The following TFEC variants were observed in gnomAD, a reference collection of about 807,000 sequenced individuals.
The protein encoded by TFEC is class E basic helix-loop-helix protein 34.
Under a neutral mutation model 41.6 loss-of-function variants are expected in TFEC, and 31 were observed. The observed-to-expected ratio is 0.74, with a 90% CI of 0.56 to 1.01. TFEC has a LOEUF of 1.01. Ranked by LOEUF, TFEC falls within the 50% of genes least tolerant of loss-of-function variation. TFEC has a pLI of 0.00. For missense variants in TFEC, 402 were observed against 404.1 expected (o/e 0.99, Z 0.04); for synonymous variants, 143 against 140.6 (o/e 1.02, Z -0.12).
At chr7:115,960,052 G>A (rs558125566) in intron 3 of TFEC, among the ~76,000 whole-genome samples, 1 of 150,942 alleles carries the variant, frequency 6.6e-6, no homozygotes, top group South Asian at 2.1e-4. Context: ...AGTGTTTATA[G>A]AATGCCTAAT....
At chr7:115,997,308 A>G (rs146400449) in intron 1 of TFEC, among the ~76,000 whole-genome samples, 1,827 of 152,248 alleles carry the variant, frequency 0.012, 32 homozygotes, top group African/African-American at 0.041. Flanking sequence ...AACACAGAGA[A>G]TTCTTCTGGA....
intron 1 of TFEC, among the ~76,000 whole-genome samples, chr7:115,994,104 G>A (rs1473010958): frequency 6.6e-6 from 1 of 152,120 alleles, no homozygotes; most frequent in Non-Finnish European, 1.5e-5. Flanking sequence ...CAGAAATGGG[G>A]GAAGGATTCC....
At chr7:116,141,548 T>C (rs1478189202) in intron 1 of TFEC, among the ~76,000 whole-genome samples, 3 of 152,182 alleles carry the variant, frequency 2.0e-5, no homozygotes, top group African/African-American at 7.2e-5. Flanking sequence ...TGATCATGTG[T>C]GCTTTGTTTT....
At chr7:116,132,553 T>C (rs1177171641) in intron 1 of TFEC, among the ~76,000 whole-genome samples, 2 of 152,238 alleles carry the variant, frequency 1.3e-5, no homozygotes, top group African/African-American at 2.4e-5. Flanking sequence ...TTTCTTTAAC[T>C]GTGAGTGCAT....
At chr7:115,993,780 C>G (rs971069779) in intron 1 of TFEC, among the ~76,000 whole-genome samples, 2 of 152,122 alleles carry the variant, frequency 1.3e-5, no homozygotes, top group East Asian at 3.9e-4. Flanking sequence ...GCCATACTGC[C>G]CAAGGTAATT....
rs1205292180 is a variant in TFEC at position 115,939,819 on chromosome 7, C to T, written c.*732G>A. 3 of 151,972 alleles carry T rather than the reference C, an allele frequency of 2.0e-5. No homozygotes were observed. Among genetic ancestry groups the T allele is most frequent in the Non-Finnish European group, 2.9e-5 (2 of 67,960 alleles). The allele number at this position is 151,972 out of a possible 1,614,324, so 9.4% of individuals were successfully genotyped here. ...AGGGATACAATTCTGGTCCATATTC[C>T]TGAGGAAAATATTCAATATGTTCCT... On this transcript the variant is annotated 3_prime_UTR_variant, in exon 8 of 8. Transcript: ENST00000265440.
chr7:115,968,230 T>C (rs1792962872), intron 3 of TFEC: 5 of 1,530,992 alleles, frequency 3.3e-6, no homozygotes, highest in African/African-American at 1.4e-5. Flanking sequence ...TAGCAATGGT[T>C]TTCTCTTTCT....
chr7:116,154,417 CAT>C (rs1359898902), intron 1 of TFEC, among the ~76,000 whole-genome samples: 2 of 152,058 alleles, frequency 1.3e-5, no homozygotes, highest in South Asian at 2.1e-4. Flanking sequence ...ACGTAACTAA[CAT>C]GTACTCCTTC....
chr7:116,034,279 T>C (rs1036556233), upstream of TFEC, among the ~76,000 whole-genome samples: 1 of 152,100 alleles, frequency 6.6e-6, no homozygotes, highest in African/African-American at 2.4e-5. Context: ...CTTTATATCA[T>C]CTATATGCTA....
chr7:116,113,785 C>T (rs1179424830), intron 1 of TFEC, among the ~76,000 whole-genome samples: 6 of 151,974 alleles, frequency 3.9e-5, no homozygotes, highest in Non-Finnish European at 8.8e-5. Flanking sequence ...TCAACATAAA[C>T]TTAATCTTTC....
upstream of TFEC, among the ~76,000 whole-genome samples, chr7:116,033,029 C>T (rs1795825153): frequency 1.3e-5 from 2 of 151,756 alleles, no homozygotes; most frequent in Non-Finnish European, 2.9e-5. Context: ...TAAATCTTAC[C>T]TTCTGTCTTT....
intron 3 of TFEC, among the ~76,000 whole-genome samples, chr7:116,085,741 C>T (rs1797189930): frequency 6.6e-6 from 1 of 151,906 alleles, no homozygotes; most frequent in African/African-American, 2.4e-5. Flanking sequence ...AGCAATCAGT[C>T]AGCTAAAGTT....
In TFEC at chr7:115,983,236, G is replaced by A. The variant is rs73458798; in HGVS notation, c.180+1026C>T. On this transcript the variant is annotated intron_variant, in intron 2 of 7. Coordinates refer to ENST00000265440, the MANE Select transcript of TFEC (RefSeq NM_012252.4). ...AATATACATGTAGGTATTTACATTC[G>A]GTTTTAGATTTCAAAAAGTCCCTTT... Among the ~76,000 whole-genome samples, 847 of 151,836 alleles carry A rather than the reference G, an allele frequency of 5.6e-3. 9 individuals are homozygous for A. Among genetic ancestry groups the A allele is most frequent in the African/African-American group, 0.02 (816 of 41,420 alleles).
Position 115,971,637 on chromosome 7 carries a change from C to G in TFEC, c.267+2533G>C, listed in dbSNP as rs147944839. ...TGCTCAACTTGCCAGAATTGCAGCACAAGCCCATTCTTAAAACAATCTCTG... is the reference window on the plus strand; with the variant it reads ...TGCTCAACTTGCCAGAATTGCAGCAGAAGCCCATTCTTAAAACAATCTCTG... On this transcript the variant is annotated intron_variant, in intron 3 of 7. Coordinates refer to ENST00000265440, the MANE Select transcript of TFEC (RefSeq NM_012252.4). Among the ~76,000 whole-genome samples the G allele has an allele frequency of 7.9e-5, 12 of 152,058 alleles. No homozygotes were observed. In the East Asian group the frequency reaches 2.3e-3, roughly 30 times the overall value.
At chr7:115,966,456 C>T (rs1021549895) in intron 3 of TFEC, among the ~76,000 whole-genome samples, 1 of 151,582 alleles carries the variant, frequency 6.6e-6, no homozygotes, top group Non-Finnish European at 1.5e-5. Flanking sequence ...AGGTACTAAA[C>T]CAAGCATATT....
chr7:115,983,235 C>T (rs903718089), intron 2 of TFEC, among the ~76,000 whole-genome samples: 22 of 152,110 alleles, frequency 1.4e-4, no homozygotes, highest in East Asian at 7.7e-4. Flanking sequence ...TATTTACATT[C>T]GGTTTTAGAT....
In TFEC at chr7:116,013,323, G is replaced by A. The variant is rs1795071461; in HGVS notation, c.-73+17310C>T. 3.3e-5 allele frequency among the ~76,000 whole-genome samples: 5 copies of A among 152,172 alleles called. No homozygotes were observed. In the South Asian group the frequency reaches 1.0e-3, roughly 31 times the overall value. ...TGTAGGAAAGGTGTTCAGTTACATG[G>A]TTGTCATAGCTGCATTTTCCCCTTG... On this transcript the variant is annotated intron_variant, in intron 1 of 7. Coordinates refer to ENST00000265440, the MANE Select transcript of TFEC (RefSeq NM_012252.4).
chr7:116,057,467 T>C (rs1796456163), intron 3 of TFEC, among the ~76,000 whole-genome samples: 1 of 151,792 alleles, frequency 6.6e-6, no homozygotes, highest in South Asian at 2.1e-4. Context: ...AGGTGAAACA[T>C]AAAAAATCGG....
rs569529442 is a variant in TFEC, at chr7:116,156,019, G to A, written c.-69+3771C>T. On this transcript the variant is annotated intron_variant, in intron 1 of 8. Transcript: ENST00000484212. The stretch of plus-strand genomic sequence containing the variant: ...ATTTATCTTGATTTCTGAGTTTTTT[G>A]TTTTTGTTTTTTGTATTCCTTTAAA... 1.5e-3 allele frequency among the ~76,000 whole-genome samples: 228 copies of A among 152,128 alleles called. 1 individual carries two copies. Among genetic ancestry groups the A allele is most frequent in the African/African-American group, 5.2e-3 (215 of 41,508 alleles).
Sources: gnomAD v4.1 joint callset for allele counts (sites outside exome capture counted in the v4.1 genomes callset) on GRCh38, gnomAD v4.1.1 for gene constraint, MANE v1.5 for transcripts, NCBI Gene and HGNC (gene_info 2026-07-23, HGNC 2026-07-21) for gene names.